Variants in RORA observed in about 807,000 individuals in gnomAD.
The protein encoded by RORA is nuclear receptor ROR-alpha.
A neutral mutation model predicts 69.5 loss-of-function variants in RORA; 7 were observed. The ratio of observed to expected loss-of-function variants is 0.10; its 90% CI spans 0.06 to 0.19. The LOEUF is 0.19. RORA is among the 10% of genes least tolerant of loss of function. The pLI, the probability that RORA is intolerant of heterozygous loss-of-function variation, is 1.00. For missense variants in RORA, 457 were observed against 663.0 expected (o/e 0.69, Z 3.41); for synonymous variants, 261 against 240.8 (o/e 1.08, Z -0.78).
chr15:60,760,609 T>C (rs1003134467), intron 1 of RORA, among the ~76,000 whole-genome samples: 1 of 152,302 alleles, frequency 6.6e-6, no homozygotes, highest in South Asian at 2.1e-4. Context: ...GTAAACAGCA[T>C]TAAAATATAA....
At chr15:61,000,685 G>C (rs1031966910) in intron 1 of RORA, among the ~76,000 whole-genome samples, 5 of 152,176 alleles carry the variant, frequency 3.3e-5, no homozygotes, top group African/African-American at 9.7e-5. Flanking sequence ...GAAAGAAAAA[G>C]GGCAATTTGA....
chr15:60,958,285 A>G (rs922010358), intron 1 of RORA, among the ~76,000 whole-genome samples: 1 of 152,216 alleles, frequency 6.6e-6, no homozygotes, highest in African/African-American at 2.4e-5. Flanking sequence ...ATGGAGCATC[A>G]AATTCCATTT....
At chr15:61,047,439 C>T (rs1056707015) in intron 1 of RORA, among the ~76,000 whole-genome samples, 3 of 152,190 alleles carry the variant, frequency 2.0e-5, no homozygotes, top group African/African-American at 7.2e-5. Flanking sequence ...AGTGGGAGGG[C>T]ATAAAATGCA....
At chr15:61,104,778 G>A (rs544770665) in intron 1 of RORA, among the ~76,000 whole-genome samples, 15 of 152,254 alleles carry the variant, frequency 9.9e-5, no homozygotes, top group Non-Finnish European at 2.1e-4. Flanking sequence ...TGGTTTGGCT[G>A]TGTCCCACCC....
At chr15:61,227,453 C>A (rs919053293) in intron 1 of RORA, among the ~76,000 whole-genome samples, 22 of 152,038 alleles carry the variant, frequency 1.4e-4, no homozygotes, top group African/African-American at 4.8e-4. Flanking sequence ...AACCGCGGTT[C>A]GCCGCGGTCA....
chr15:61,088,536 G>A (rs2078658365), intron 1 of RORA, among the ~76,000 whole-genome samples: 1 of 152,168 alleles, frequency 6.6e-6, no homozygotes, highest in Non-Finnish European at 1.5e-5. Context: ...TAGCAGAGAG[G>A]TAGGCAGATC....
At chr15:60,947,605 T>C (rs1029813848) in intron 1 of RORA, among the ~76,000 whole-genome samples, 1 of 150,702 alleles carries the variant, frequency 6.6e-6, no homozygotes. Flanking sequence ...TTTGTTCACT[T>C]GTTTATCTGC....
intron 1 of RORA, among the ~76,000 whole-genome samples, chr15:60,998,891 A>G (rs1454938567): frequency 2.0e-5 from 3 of 152,200 alleles, no homozygotes; most frequent in African/African-American, 7.2e-5. Flanking sequence ...CCAAACTGAC[A>G]AGGAACAGCC....
chr15:60,894,941 C>T (rs893788624), intron 1 of RORA, among the ~76,000 whole-genome samples: 6 of 152,172 alleles, frequency 3.9e-5, no homozygotes, highest in African/African-American at 1.4e-4. Flanking sequence ...TCAAGCAGTG[C>T]CTTAAACAGG....
intron 1 of RORA, among the ~76,000 whole-genome samples, chr15:60,923,956 C>T (rs1027918814): frequency 2.6e-5 from 4 of 152,192 alleles, no homozygotes; most frequent in East Asian, 1.9e-4. Flanking sequence ...GGCAGAGCTA[C>T]GATGACTGAC....
At chr15:61,118,294 G>A (rs978998468) in intron 1 of RORA, among the ~76,000 whole-genome samples, 2 of 152,150 alleles carry the variant, frequency 1.3e-5, no homozygotes, top group East Asian at 1.9e-4. Flanking sequence ...TTGACAGGGC[G>A]CTTGTGAGGC....
At chr15:61,002,068 C>T (rs1021488086) in intron 1 of RORA, among the ~76,000 whole-genome samples, 2 of 152,180 alleles carry the variant, frequency 1.3e-5, no homozygotes, top group African/African-American at 2.4e-5. Flanking sequence ...GCTGTTGAGG[C>T]GGGCTGACTG....
At chr15:61,178,905 T>C (rs1008012710) in intron 1 of RORA, among the ~76,000 whole-genome samples, 24 of 152,340 alleles carry the variant, frequency 1.6e-4, no homozygotes, top group African/African-American at 5.8e-4. Flanking sequence ...GTAAAATGTA[T>C]TGCTATATCT....
intron 1 of RORA, among the ~76,000 whole-genome samples, chr15:60,933,284 T>C (rs542872876): frequency 6.6e-6 from 1 of 152,330 alleles, no homozygotes; most frequent in East Asian, 1.9e-4. Context: ...AAGCCTCAGC[T>C]TCCTCTATTA....
intron 1 of RORA, among the ~76,000 whole-genome samples, chr15:61,097,033 T>C (rs748814514): frequency 6.6e-6 from 1 of 152,242 alleles, no homozygotes; most frequent in Non-Finnish European, 1.5e-5. Context: ...CAGAGGCTCT[T>C]ACTCTACTAA....
chr15:60,750,925 A>C (rs1406330259), intron 1 of RORA, among the ~76,000 whole-genome samples: 1 of 152,066 alleles, frequency 6.6e-6, no homozygotes, highest in African/African-American at 2.4e-5. Flanking sequence ...CTTAGTTCCA[A>C]CTCCAGGTTG....
At chr15:60,985,488 T>C (rs906983355) in intron 1 of RORA, among the ~76,000 whole-genome samples, 1 of 151,982 alleles carries the variant, frequency 6.6e-6, no homozygotes, top group Non-Finnish European at 1.5e-5. Flanking sequence ...AGTACCTGTA[T>C]GTTCAAAAGC....
At position 61,147,042 on chromosome 15, in the gene RORA, G is replaced by T. The variant is rs2079356312; in HGVS notation, c.166+82011C>A. Among the ~76,000 whole-genome samples, 1 of 151,968 alleles carries T rather than the reference G, an allele frequency of 6.6e-6. No homozygotes were observed. The highest frequency in any genetic ancestry group is 1.5e-5 in the Non-Finnish European group (1 of 67,984). On this transcript the variant is annotated intron_variant, in intron 1 of 10. Transcript: ENST00000335670. The surrounding 1 kb of genome is among the most constrained non-coding windows in gnomAD (Gnocchi z 4.1). ...GGGGGCAGTCACGGGGGAACTAAATGGATTCCATTTCCTCTGCCACCTCTG... is the reference window on the plus strand; with the variant it reads ...GGGGGCAGTCACGGGGGAACTAAATTGATTCCATTTCCTCTGCCACCTCTG...
chr15:60,976,421 G>C (rs534021446), intron 1 of RORA, among the ~76,000 whole-genome samples: 1 of 152,170 alleles, frequency 6.6e-6, no homozygotes, highest in Non-Finnish European at 1.5e-5. Context: ...TAATTCCAAA[G>C]TGTCTTTAGG....
Sources: allele counts gnomAD v4.1 joint callset (sites outside exome capture counted in the v4.1 genomes callset), GRCh38; gene constraint gnomAD v4.1.1; non-coding constraint Gnocchi (gnomAD v3.1); transcripts MANE v1.5; gene names NCBI Gene and HGNC (gene_info 2026-07-23, HGNC 2026-07-21).